The following GPR171 variants were observed in gnomAD, a reference collection of about 807,000 sequenced individuals.
The protein encoded by GPR171 is F730001G15Rik.
A neutral mutation model predicts 16.7 loss-of-function variants in GPR171; 14 were observed. The observed-to-expected ratio is 0.84, with a 90% CI of 0.55 to 1.31. The LOEUF is 1.31. GPR171 is among the 40% of genes most tolerant of loss of function. The probability of loss-of-function intolerance (pLI) is 0.00; values close to 1 mark genes in which losing one functional copy is unlikely to be tolerated. For missense variants in GPR171, 337 were observed against 378.9 expected (o/e 0.89, Z 0.92); for synonymous variants, 134 against 135.6 (o/e 0.99, Z 0.08).
chr3:151,198,072 A>G lies in GPR171; in HGVS notation c.*355T>C, dbSNP rs1724921897. The G allele has an allele frequency of 6.3e-6, 1 of 159,046 alleles. No homozygotes were observed. Among genetic ancestry groups the G allele is most frequent in the South Asian group, 2.0e-4 (1 of 4,960 alleles). The allele number at this position is 159,046 out of a possible 1,614,324, so 9.9% of individuals were successfully genotyped here. Reference sequence around the variant, plus strand: ...AACTTACATGGAAATTATTTTTTATATTTTTATCAAGAAGTCAGTTCCAGG... The same window carrying G: ...AACTTACATGGAAATTATTTTTTATGTTTTTATCAAGAAGTCAGTTCCAGG... On this transcript the variant is annotated 3_prime_UTR_variant, in exon 3 of 3. Transcript: ENST00000309180.
At chr3:151,199,817 A>T (rs534710355) in intron 2 of GPR171, among the ~76,000 whole-genome samples, 1 of 152,126 alleles carries the variant, frequency 6.6e-6, no homozygotes, top group East Asian at 1.9e-4. Flanking sequence ...AGAGCTTTCA[A>T]TGAGGCCTTC....
chr3:151,198,641 C>T lies in GPR171; in HGVS notation c.746G>A (p.Ser249Asn). The T allele has an allele frequency of 6.2e-7, 1 of 1,614,024 alleles. No individual in the cohort carries two copies. Among genetic ancestry groups the T allele is most frequent in the Non-Finnish European group, 8.5e-7 (1 of 1,179,964 alleles). ...YHIVRIPYTL[S>N]QTEVITDCST... The stretch of plus-strand genomic sequence containing the variant: ...GCAATCAGTTATGACTTCTGTCTGG[C>T]TGAGGGTATACGGGATTCGGACAAT... The change falls in exon 3 of 3, where the codon AGC becomes AAC. Residue 249 changes from serine to asparagine, a missense_variant. By Grantham distance (46) the Ser-to-Asn change is conservative (BLOSUM62 1). Transcript: ENST00000309180.
chr3:151,203,027 C>A (rs931871042), intron 1 of GPR171, 77 bp downstream of exon 1: 1 of 151,922 alleles, frequency 6.6e-6, no homozygotes, highest in Admixed American at 6.6e-5. Context: ...TACTTATAAG[C>A]CTTAAATACT....
At position 151,199,451 on chromosome 3, in the gene GPR171, A is replaced by G. The variant is rs1576948077; in HGVS notation, c.-53-12T>C. ...AAATTTCTAAGACTCTGTAAAAGAA[A>G]CAAGGAAAGGGAGGTTAGTAATTAA... On this transcript the variant is annotated splice_polypyrimidine_tract_variant and intron_variant, in intron 2 of 2. Coordinates refer to ENST00000309180, the MANE Select transcript of GPR171 (RefSeq NM_013308.4). 2.2e-6 allele frequency: 3 copies of G among 1,378,292 alleles called. No homozygotes were observed. Among genetic ancestry groups the G allele is most frequent in the Non-Finnish European group, 3.0e-6 (3 of 1,013,356 alleles). The allele number at this position is 1,378,292 out of a possible 1,614,324, so 85.4% of individuals were successfully genotyped here.
In GPR171 at chr3:151,197,922, A is replaced by G. The variant is rs1276012831; in HGVS notation, c.*505T>C. The G allele has an allele frequency of 6.5e-6, 1 of 152,686 alleles. No individual in the cohort carries two copies. Among genetic ancestry groups the G allele is most frequent in the East Asian group, 1.9e-4 (1 of 5,204 alleles). The allele number at this position is 152,686 out of a possible 1,614,324, so 9.5% of individuals were successfully genotyped here. ...TAAAAATTGGAGGAATAATGAGTTG[A>G]AAGATTACCATCTTTTGAAGTGATA... is the stretch of plus-strand genomic sequence containing the variant. On this transcript the variant is annotated 3_prime_UTR_variant, in exon 3 of 3. Transcript: ENST00000309180.
intron 2 of GPR171, among the ~76,000 whole-genome samples, chr3:151,200,254 C>G (rs1468795610): frequency 6.6e-6 from 1 of 152,116 alleles, no homozygotes; most frequent in African/African-American, 2.4e-5. Flanking sequence ...TTTGTAAGCT[C>G]AAGTTAAACT....
In GPR171 at chr3:151,199,090, A is replaced by G. The variant is rs552659115; in HGVS notation, c.297T>C (p.Tyr99=). Residue 99 remains tyrosine (Y), a synonymous_variant, in exon 3 of 3, where the codon TAT becomes TAC. Transcript: ENST00000309180. ...CAAATGCTAAGAAGATAATTGATAA[A>G]TACATATTGATATAGATGAGGCAGG... ...VTACLIYINM[Y]LSIIFLAFVS... is the part of the protein sequence containing the mutation. The G allele has an allele frequency of 1.9e-6, 3 of 1,613,950 alleles. No individual in the cohort carries two copies. In the South Asian group the frequency reaches 3.3e-5, roughly 18 times the overall value.
chr3:151,198,705 CTA>C lies in GPR171; in HGVS notation c.680_681del (p.Leu227CysfsTer29). The C allele has an allele frequency of 6.2e-7, 1 of 1,613,974 alleles. No individual in the cohort carries two copies. Among genetic ancestry groups the C allele is most frequent in the Non-Finnish European group, 8.5e-7 (1 of 1,179,886 alleles). ...NVKKALINIL[L>X]VTTGYIICFV... ...AAGCATATGATGTAGCCCGTGGTCACTAAAAGTATGTTGATGAGAGCCTTTTT... is the reference window on the plus strand; with the variant it reads ...AAGCATATGATGTAGCCCGTGGTCACAAAGTATGTTGATGAGAGCCTTTTT... On this transcript the variant is annotated frameshift_variant, in exon 3 of 3. Transcript: ENST00000309180. LOFTEE classifies it high-confidence loss of function.
Position 151,198,686 on chromosome 3 carries a change from A to G in GPR171, c.701T>C (p.Ile234Thr), listed in dbSNP as rs1461954156. 2 of 1,614,120 alleles carry G rather than the reference A, an allele frequency of 1.2e-6. No homozygotes were observed. The highest frequency in any genetic ancestry group is 3.3e-5 in the Admixed American group (2 of 60,028). Residue 234 changes from isoleucine to threonine, a missense_variant, in exon 3 of 3, where the codon ATA becomes ACA. Physicochemically the swap from Ile to Thr is moderately conservative, Grantham distance 89. Coordinates refer to ENST00000309180, the MANE Select transcript of GPR171 (RefSeq NM_013308.4). ...GACAATGTGGTAAGGAACAAAGCAT[A>G]TGATGTAGCCCGTGGTCACTAAAAG... is the stretch of plus-strand genomic sequence containing the variant. Reference protein sequence around the residue: ...NILLVTTGYIICFVPYHIVRI... With the variant: ...NILLVTTGYITCFVPYHIVRI...
In GPR171 at chr3:151,199,334, G is replaced by A; in HGVS notation, c.53C>T (p.Thr18Met). ...CPVYKDLEPF[T>M]YFFYLVFLVG... Reference sequence around the variant, plus strand: ...AAGGAAAACTAAATAAAAAAAATACGTGAATGGCTCCAGATCTTTATAAAC... The same window carrying A: ...AAGGAAAACTAAATAAAAAAAATACATGAATGGCTCCAGATCTTTATAAAC... The change falls in exon 3 of 3, where the codon ACG becomes ATG. Residue 18 changes from threonine to methionine, a missense_variant. Thr to Met is a moderately conservative substitution (Grantham distance 81). Coordinates refer to ENST00000309180, the MANE Select transcript of GPR171 (RefSeq NM_013308.4). The A allele has an allele frequency of 1.2e-6, 2 of 1,613,076 alleles. No individual in the cohort carries two copies. The highest frequency in any genetic ancestry group is 1.7e-4 in the Middle Eastern group (1 of 6,032).
In GPR171 at chr3:151,199,255, C is replaced by T. The variant is rs763446113; in HGVS notation, c.132G>A (p.Thr44=). The T allele has an allele frequency of 1.2e-5, 19 of 1,613,790 alleles. No homozygotes were observed. Among genetic ancestry groups the T allele is most frequent in the East Asian group, 4.5e-5 (2 of 44,888 alleles). ...AGTAGATGCTCACACACCTGTGATTCGTATTCTTCTGTATAAAAGCCCAGG... is the reference window on the plus strand; with the variant it reads ...AGTAGATGCTCACACACCTGTGATTTGTATTCTTCTGTATAAAAGCCCAGG... ...FATWAFIQKN[T]NHRCVSIYLI... is the part of the protein sequence containing the mutation. Residue 44 remains threonine (T), a synonymous_variant, in exon 3 of 3, where the codon ACG becomes ACA. Coordinates refer to ENST00000309180, the MANE Select transcript of GPR171 (RefSeq NM_013308.4).
At position 151,198,132 on chromosome 3, in the gene GPR171, CTA is replaced by C; in HGVS notation, c.*293_*294del. On this transcript the variant is annotated 3_prime_UTR_variant, in exon 3 of 3. Coordinates refer to ENST00000309180, the MANE Select transcript of GPR171 (RefSeq NM_013308.4). ...GAATAACTCATGAATACCTTTGGGT[CTA>C]TGTCATGGACCTCTTTTGGATTTCA... The C allele has an allele frequency of 4.5e-6, 1 of 223,696 alleles. No homozygotes were observed. The highest frequency in any genetic ancestry group is 8.8e-6 in the Non-Finnish European group (1 of 113,634). The allele number at this position is 223,696 out of a possible 1,614,324, so 13.9% of individuals were successfully genotyped here.
Position 151,199,130 on chromosome 3 carries a change from T to A in GPR171, c.257A>T (p.His86Leu), listed in dbSNP as rs1725136799. ...GATGAGGCAGGCTGTTACTTGGCAG[T>A]GGAATATCTTCAGCTTCCAAGGTGC... is the stretch of plus-strand genomic sequence containing the variant. ...GVAPWKLKIF[H>L]CQVTACLIYI... Residue 86 changes from histidine to leucine, a missense_variant, in exon 3 of 3, where the codon CAC (histidine) becomes CTC (leucine). By Grantham distance (99) the His-to-Leu change is moderately conservative. Transcript: ENST00000309180. 6.2e-7 allele frequency: 1 copy of A among 1,614,088 alleles called. No individual in the cohort carries two copies. The highest frequency in any genetic ancestry group is 8.5e-7 in the Non-Finnish European group (1 of 1,179,934).
rs1045220703 is a variant in GPR171 at position 151,198,347 on chromosome 3, T to G, written c.*80A>C. The G allele has an allele frequency of 7.7e-5, 84 of 1,095,814 alleles. 2 individuals carry two copies. The highest frequency in any genetic ancestry group is 6.4e-4 in the Middle Eastern group (2 of 3,136). 67.9% of individuals were successfully genotyped at this position (1,095,814 alleles called of 1,614,324 possible). Reference sequence around the variant, plus strand: ...TTCATACTGAGTTTTTTTTTGTTTTTTTTTTTTTTATCTTTCAAAGCTATA... The same window carrying G: ...TTCATACTGAGTTTTTTTTTGTTTTGTTTTTTTTTATCTTTCAAAGCTATA... On this transcript the variant is annotated 3_prime_UTR_variant, in exon 3 of 3. Coordinates refer to ENST00000309180, the MANE Select transcript of GPR171 (RefSeq NM_013308.4).
In GPR171 at chr3:151,199,305, C is replaced by T. The variant is rs1161572434; in HGVS notation, c.82G>A (p.Gly28Arg). The change falls in exon 3 of 3, where the codon GGA (glycine) becomes AGA (arginine). Residue 28 changes from glycine (G) to arginine (R), a missense_variant. Transcript: ENST00000309180. ...GTTGCAAAACAACTTCCAATAATTCCAACAAGGAAAACTAAATAAAAAAAA... is the reference window on the plus strand; with the variant it reads ...GTTGCAAAACAACTTCCAATAATTCTAACAAGGAAAACTAAATAAAAAAAA... ...TYFFYLVFLVGIIGSCFATWA... is the reference protein window; with the variant it reads ...TYFFYLVFLVRIIGSCFATWA... 6.2e-7 allele frequency: 1 copy of T among 1,613,624 alleles called. No individual in the cohort carries two copies.
intron 1 of GPR171, among the ~76,000 whole-genome samples, chr3:151,201,688 C>A (rs1725615002): frequency 6.6e-6 from 1 of 152,234 alleles, no homozygotes; most frequent in African/African-American, 2.4e-5. Context: ...CTACTCCAGG[C>A]TTTACCGATG....
At position 151,198,682 on chromosome 3, in the gene GPR171, G is replaced by C; in HGVS notation, c.705C>G (p.Cys235Trp). The C allele has an allele frequency of 6.2e-7, 1 of 1,614,072 alleles. No individual in the cohort carries two copies. The highest frequency in any genetic ancestry group is 8.5e-7 in the Non-Finnish European group (1 of 1,179,942). ...TTCGGACAATGTGGTAAGGAACAAA[G>C]CATATGATGTAGCCCGTGGTCACTA... is the stretch of plus-strand genomic sequence containing the variant. ...ILLVTTGYII[C>W]FVPYHIVRIP... is the part of the protein sequence containing the mutation. The change falls in exon 3 of 3, where the codon TGC becomes TGG. Residue 235 changes from cysteine (C) to tryptophan (W), a missense_variant. By Grantham distance (215) the Cys-to-Trp change is radical. Transcript: ENST00000309180.
intron 1 of GPR171, among the ~76,000 whole-genome samples, chr3:151,201,337 C>G (rs1304669372): frequency 6.6e-6 from 1 of 152,090 alleles, no homozygotes; most frequent in Non-Finnish European, 1.5e-5. Context: ...TTCTCTCTAC[C>G]ATCTCTACTT....
Position 151,199,068 on chromosome 3 carries a change from A to G in GPR171, c.319T>C (p.Phe107Leu). ...TGAAGACAGCGGTCAATGCTGACAA[A>G]TGCTAAGAAGATAATTGATAAATAC... ...NMYLSIIFLA[F>L]VSIDRCLQLT... is the part of the protein sequence containing the mutation. The change falls in exon 3 of 3, where the codon TTT becomes CTT. Residue 107 changes from phenylalanine to leucine, a missense_variant. Transcript: ENST00000309180. 6.2e-7 allele frequency: 1 copy of G among 1,614,138 alleles called. No homozygotes were observed. Among genetic ancestry groups the G allele is most frequent in the Non-Finnish European group, 8.5e-7 (1 of 1,179,972 alleles).
Sources: gnomAD v4.1 joint callset for allele counts (sites outside exome capture counted in the v4.1 genomes callset) on GRCh38, gnomAD v4.1.1 for gene constraint, MANE v1.5 for transcripts, NCBI Gene and HGNC (gene_info 2026-07-23, HGNC 2026-07-21) for gene names.